Variants in AP2B1 observed in about 807,000 individuals in gnomAD.
The protein encoded by AP2B1 is AP-2 complex subunit beta.
A neutral mutation model predicts 102.0 loss-of-function variants in AP2B1; 23 were observed. The ratio of observed to expected loss-of-function variants is 0.23; its 90% CI spans 0.16 to 0.32. The LOEUF is 0.32. AP2B1 is among the 10% of genes least tolerant of loss of function. The pLI is 1.00. For synonymous variants in AP2B1, 381 were observed against 421.2 expected (o/e 0.90, Z 1.17); for missense variants, 541 against 1,157.4 (o/e 0.47, Z 7.73).
At position 35,692,814 on chromosome 17, in the gene AP2B1, A is replaced by G. The variant is rs1365608155; in HGVS notation, c.2454+9990A>G. ...ATGTAAAATCTCATAGTTGGAAGGG[A>G]TGGTCTTTAATTTTGTCTGTTTCAA... On this transcript the variant is annotated intron_variant, in intron 18 of 21. Transcript: ENST00000610402. Among the ~76,000 whole-genome samples, 5 of 152,236 alleles carry G rather than the reference A, an allele frequency of 3.3e-5. 1 individual carries two copies. The East Asian group carries it at 5.8e-4, about 18-fold the overall frequency.
Position 35,639,592 on chromosome 17 carries a change from C to G in AP2B1, c.1272-3C>G, listed in dbSNP as rs780545256. 8 of 1,590,456 alleles carry G rather than the reference C, an allele frequency of 5.0e-6. No individual in the cohort carries two copies. The African/African-American group carries it at 1.1e-4, about 22-fold the overall frequency. On this transcript the variant is annotated splice_polypyrimidine_tract_variant and splice_region_variant and intron_variant, in intron 10 of 21. Transcript: ENST00000610402. ...ATAACCATAGTTCATTTTTTTTCATCAGGTATGAAAGTATCATCGCCACTC... is the reference window on the plus strand; with the variant it reads ...ATAACCATAGTTCATTTTTTTTCATGAGGTATGAAAGTATCATCGCCACTC...
chr17:35,723,814 G>C lies in AP2B1; in HGVS notation c.*115G>C, dbSNP rs1555594131. On this transcript the variant is annotated 3_prime_UTR_variant, in exon 22 of 22. Coordinates refer to ENST00000610402, the MANE Select transcript of AP2B1 (RefSeq NM_001030006.2). Reference sequence around the variant, plus strand: ...TGAACACACTGAGGCCACCTAGCAAGGTAGTAACTAGTCTAACCTGTGCTA... The same window carrying C: ...TGAACACACTGAGGCCACCTAGCAACGTAGTAACTAGTCTAACCTGTGCTA... 3 of 742,076 alleles carry C rather than the reference G, an allele frequency of 4.0e-6. No homozygotes were observed. In the African/African-American group the frequency reaches 5.2e-5, roughly 13 times the overall value. 46.0% of individuals were successfully genotyped at this position (742,076 alleles called of 1,614,324 possible). A position where few individuals can be genotyped will look rare whatever the true frequency, so the allele number is the denominator to read the frequency against.
rs1444236518 is a variant in AP2B1 at position 35,626,615 on chromosome 17, C to T, written c.717-6C>T. On this transcript the variant is annotated splice_region_variant and splice_polypyrimidine_tract_variant and intron_variant, in intron 6 of 21. Coordinates refer to ENST00000610402, the MANE Select transcript of AP2B1 (RefSeq NM_001030006.2). ...CATGATATTAATTTTCATTCTCCAC[C>T]CTCAGCATCTGTGAGCGGGTAACTC... The T allele has an allele frequency of 4.4e-6, 7 of 1,593,350 alleles. No individual in the cohort carries two copies. Among genetic ancestry groups the T allele is most frequent in the Non-Finnish European group, 6.0e-6 (7 of 1,163,084 alleles).
chr17:35,679,876 G>GA (rs2075780031), intron 17 of AP2B1, among the ~76,000 whole-genome samples: 2 of 151,734 alleles, frequency 1.3e-5, no homozygotes, highest in African/African-American at 4.8e-5. Context: ...CTAGGAAAAG[G>GA]AAAATATTTC....
At chr17:35,661,358 T>C (rs996073879) in intron 14 of AP2B1, among the ~76,000 whole-genome samples, 1 of 152,214 alleles carries the variant, frequency 6.6e-6, no homozygotes, top group African/African-American at 2.4e-5. Flanking sequence ...TTGCAGCCAG[T>C]GTTGAGAACA....
At chr17:35,607,988 C>A in intron 4 of AP2B1, 154 bp from the exon 5 acceptor site, 4 of 883,698 alleles carry the variant, frequency 4.5e-6, no homozygotes, top group Non-Finnish European at 6.8e-6. Flanking sequence ...AAGATTTGTA[C>A]TTAGGAAAGG....
At chr17:35,600,459 A>G (rs893381642) in intron 3 of AP2B1, among the ~76,000 whole-genome samples, 5 of 152,198 alleles carry the variant, frequency 3.3e-5, no homozygotes, top group Non-Finnish European at 7.3e-5. Flanking sequence ...ATGTAGTTAT[A>G]TGAAAAAGCT....
chr17:35,597,568 G>A (rs225297), intron 2 of AP2B1, among the ~76,000 whole-genome samples: 73,045 of 152,092 alleles, frequency 0.48, 17,611 homozygotes, highest in East Asian at 0.52. Flanking sequence ...ACTGATTAAA[G>A]TAGTGATTCT....
At chr17:35,589,594 T>A (rs1419056482) in intron 1 of AP2B1, among the ~76,000 whole-genome samples, 1 of 152,234 alleles carries the variant, frequency 6.6e-6, no homozygotes, top group Non-Finnish European at 1.5e-5. Context: ...TATATAGTCC[T>A]GTGCAGGGAG....
At chr17:35,707,881 A>G (rs1439391746) in intron 18 of AP2B1, among the ~76,000 whole-genome samples, 1 of 152,238 alleles carries the variant, frequency 6.6e-6, no homozygotes, top group African/African-American at 2.4e-5. Flanking sequence ...TGTTATATAT[A>G]GGTCACAAAC....
intron 18 of AP2B1, among the ~76,000 whole-genome samples, chr17:35,692,250 C>T (rs2076056354): frequency 6.6e-6 from 1 of 152,118 alleles, no homozygotes; most frequent in African/African-American, 2.4e-5. Context: ...ATGCTGATAT[C>T]CTGAGAAAGG....
At chr17:35,706,803 A>G (rs12103729) in intron 18 of AP2B1, among the ~76,000 whole-genome samples, 19,268 of 151,444 alleles carry the variant, frequency 0.13, 1,271 homozygotes, top group Middle Eastern at 0.16. Flanking sequence ...ACCACACCCA[A>G]CTAATATATA....
At chr17:35,722,362 T>C (rs1304911800) in intron 21 of AP2B1, among the ~76,000 whole-genome samples, 4 of 152,034 alleles carry the variant, frequency 2.6e-5, no homozygotes, top group Non-Finnish European at 5.9e-5. Flanking sequence ...CTTAAGTTAG[T>C]TGTTTTGGTT....
chr17:35,712,403 C>T (rs587628435), intron 20 of AP2B1, among the ~76,000 whole-genome samples: 2 of 152,124 alleles, frequency 1.3e-5, no homozygotes, highest in Non-Finnish European at 2.9e-5. Context: ...CCGAGGTGGG[C>T]AGATCACGAG....
intron 3 of AP2B1, 105 bp from the exon 4 acceptor site, chr17:35,605,600 G>A (rs2073648108): frequency 2.5e-6 from 2 of 810,374 alleles, no homozygotes; most frequent in East Asian, 5.0e-5. Context: ...GGGGACATTT[G>A]TTCTTGCATC....
At chr17:35,674,602 G>A (rs2075660866) in intron 17 of AP2B1, among the ~76,000 whole-genome samples, 1 of 152,204 alleles carries the variant, frequency 6.6e-6, no homozygotes, top group African/African-American at 2.4e-5. Flanking sequence ...CTACTCAGGA[G>A]GCTGAAGCAG....
intron 21 of AP2B1, among the ~76,000 whole-genome samples, chr17:35,722,115 G>A (rs587606848): frequency 5.3e-5 from 8 of 152,234 alleles, no homozygotes; most frequent in Non-Finnish European, 1.2e-4. Context: ...ATGGTGGCAC[G>A]CATCTGTAAT....
intron 18 of AP2B1, 107 bp from the exon 19 acceptor site, chr17:35,709,117 G>C: frequency 6.4e-6 from 6 of 935,028 alleles, no homozygotes. Flanking sequence ...TGCACTGAGA[G>C]AAAGAGGAAG....
rs587749752 is a variant in AP2B1, at chr17:35,706,392, T to C, written c.2455-2832T>C. Among the ~76,000 whole-genome samples, 6 of 152,346 alleles carry C rather than the reference T, an allele frequency of 3.9e-5. No individual in the cohort carries two copies. The South Asian group carries it at 6.2e-4, about 16-fold the overall frequency. ...AATTAATTGCTTATCCGGTTGATCT[T>C]CCTGGGAACTTTTTCCCAAATATTT... On this transcript the variant is annotated intron_variant, in intron 18 of 21. Coordinates refer to ENST00000610402, the MANE Select transcript of AP2B1 (RefSeq NM_001030006.2).
Sources: allele counts gnomAD v4.1 joint callset (sites outside exome capture counted in the v4.1 genomes callset), GRCh38; gene constraint gnomAD v4.1.1; transcripts MANE v1.5; gene names NCBI Gene and HGNC (gene_info 2026-07-23, HGNC 2026-07-21).